The following ECE1 variants were observed in gnomAD, a reference collection of about 807,000 sequenced individuals.
The protein encoded by ECE1 is endothelin converting enzyme 1.
Under a neutral mutation model 98.6 loss-of-function variants are expected in ECE1, and 35 were observed. That is an observed-to-expected ratio of 0.35 (90% CI 0.27 to 0.47). ECE1 has a LOEUF of 0.47. Ranked by LOEUF, ECE1 falls within the 20% of genes least tolerant of loss-of-function variation. ECE1 has a pLI of 1.00. For missense variants in ECE1, 814 were observed against 1,025.3 expected (o/e 0.79, Z 2.81); for synonymous variants, 394 against 407.1 (o/e 0.97, Z 0.39).
chr1:21,258,636 A>C lies in ECE1; in HGVS notation c.762+57T>G. 6.3e-7 allele frequency: 1 copy of C among 1,596,086 alleles called. No homozygotes were observed. Among genetic ancestry groups the C allele is most frequent in the Non-Finnish European group, 8.6e-7 (1 of 1,168,648 alleles). On this transcript the variant is annotated intron_variant, in intron 6 of 18. Transcript: ENST00000374893. The surrounding 1 kb of genome is among the most constrained non-coding windows in gnomAD (Gnocchi z 4.2). ...TCCCACCCCAGGTCCTGCTAAACTC[A>C]AAACAGGAAGAGGTCGTGCCCGCCC...
chr1:21,247,291 C>G lies in ECE1; in HGVS notation c.1093G>C (p.Glu365Gln). Residue 365 changes from glutamate (E) to glutamine (Q), a missense_variant, in exon 9 of 19, where the codon GAG (glutamate) becomes CAG (glutamine). Transcript: ENST00000374893. ...TCCTTGTCATAGACCACAATAGGCTCGGATTCATTGATCTCCACGGGGTAG... is the reference window on the plus strand; with the variant it reads ...TCCTTGTCATAGACCACAATAGGCTGGGATTCATTGATCTCCACGGGGTAG... ...IFYPVEINES[E>Q]PIVVYDKEYL... 2 of 1,614,170 alleles carry G rather than the reference C, an allele frequency of 1.2e-6. No homozygotes were observed. Among genetic ancestry groups the G allele is most frequent in the Non-Finnish European group, 1.7e-6 (2 of 1,180,040 alleles).
chr1:21,244,180 C>T (rs1482162361), intron 10 of ECE1, among the ~76,000 whole-genome samples: 3 of 152,124 alleles, frequency 2.0e-5, no homozygotes. Context: ...CTTGGCACAC[C>T]AGCCTCTACT....
intron 2 of ECE1, among the ~76,000 whole-genome samples, chr1:21,283,083 A>G (rs540335511): frequency 1.2e-3 from 175 of 151,644 alleles, no homozygotes; most frequent in Non-Finnish European, 2.2e-3. Flanking sequence ...CTGGGACTAC[A>G]GGCACATGCC....
upstream of ECE1, among the ~76,000 whole-genome samples, chr1:21,292,566 TATC>T (rs1233814438): frequency 3.9e-5 from 6 of 152,188 alleles, no homozygotes; most frequent in Non-Finnish European, 8.8e-5. Flanking sequence ...TCCATGTCTT[TATC>T]ATCACTGTCT....
At chr1:21,270,124 T>A (rs1222821415) in intron 4 of ECE1, among the ~76,000 whole-genome samples, 1 of 152,186 alleles carries the variant, frequency 6.6e-6, no homozygotes, top group Non-Finnish European at 1.5e-5. Flanking sequence ...TCCTGCCCCA[T>A]CCCCTCTAAA....
intron 1 of ECE1, among the ~76,000 whole-genome samples, chr1:21,316,047 C>G (rs559878256): frequency 1.3e-5 from 2 of 152,282 alleles, no homozygotes; most frequent in South Asian, 4.1e-4. Context: ...TGAGTACCTG[C>G]CACAGTAGCT....
chr1:21,332,075 T>C (rs890086441), intron 1 of ECE1, among the ~76,000 whole-genome samples: 6 of 152,298 alleles, frequency 3.9e-5, no homozygotes, highest in African/African-American at 9.6e-5. Flanking sequence ...AGGGCAGCCT[T>C]ACTGCACCCT....
chr1:21,279,355 G>A lies in ECE1; in HGVS notation c.139-23C>T, dbSNP rs2098251624. ...CACCTGCAGGGAAGGAGGCAGGAGG[G>A]GCGGGGAAGACGTGAGCCCCGGGCC... On this transcript the variant is annotated intron_variant, in intron 2 of 18. Coordinates refer to ENST00000374893, the MANE Select transcript of ECE1 (RefSeq NM_001397.3). 8 of 1,614,052 alleles carry A rather than the reference G, an allele frequency of 5.0e-6. No homozygotes were observed. In the East Asian group the frequency reaches 1.3e-4, roughly 27 times the overall value.
intron 1 of ECE1, among the ~76,000 whole-genome samples, chr1:21,330,737 C>T (rs1639183119): frequency 6.6e-6 from 1 of 152,156 alleles, no homozygotes; most frequent in East Asian, 1.9e-4. Flanking sequence ...AATCCTTCTT[C>T]CTCCCCCTGA....
Position 21,258,712 on chromosome 1 carries a change from G to C in ECE1, c.743C>G (p.Ser248Cys). The change falls in exon 6 of 19, where the codon TCC (serine) becomes TGC (cysteine). Residue 248 changes from serine (S) to cysteine (C), a missense_variant. Around this residue, in one of 3 missense-constraint regions of ECE1, gnomAD observed 105 missense variants for 179.1 expected, o/e 0.59. Coordinates refer to ENST00000374893, the MANE Select transcript of ECE1 (RefSeq NM_001397.3). The surrounding 1 kb of genome is among the most constrained non-coding windows in gnomAD (Gnocchi z 4.2). ...SVYVSADSKN[S>C]NSNVIQVDQS... ...GCTCACCTGGATCACGTTGCTGTTG[G>C]AGTTCTTGGAATCGGCACTGACATA... 2 of 1,614,222 alleles carry C rather than the reference G, an allele frequency of 1.2e-6. No homozygotes were observed. The highest frequency in any genetic ancestry group is 1.7e-6 in the Non-Finnish European group (2 of 1,180,038).
In ECE1 at chr1:21,336,269, T is replaced by A. The variant is rs533156391; in HGVS notation, c.3+9107A>T. Reference sequence around the variant, plus strand: ...GTAGTGGTGCACCTGTGGTACCAGCTACTCAGGAGGCTGAGGTGGGAAGAT... The same window carrying A: ...GTAGTGGTGCACCTGTGGTACCAGCAACTCAGGAGGCTGAGGTGGGAAGAT... On this transcript the variant is annotated intron_variant, in intron 1 of 18. Coordinates refer to the ECE1 transcript ENST00000415912. Among the ~76,000 whole-genome samples the A allele has an allele frequency of 5.9e-5, 9 of 152,270 alleles. No homozygotes were observed. The East Asian group carries it at 1.5e-3, about 26-fold the overall frequency.
intron 1 of ECE1, among the ~76,000 whole-genome samples, chr1:21,297,345 C>T (rs1000588430): frequency 3.3e-5 from 5 of 152,066 alleles, no homozygotes; most frequent in Non-Finnish European, 4.4e-5. Flanking sequence ...ACTGACCTGC[C>T]CACCCTGTCC....
Position 21,227,936 on chromosome 1 carries a change from T to C in ECE1, c.1776A>G (p.Ser592=), listed in dbSNP as rs1484979748. 1 of 1,551,752 alleles carries C rather than the reference T, an allele frequency of 6.4e-7. No homozygotes were observed. Residue 592 remains serine (S), a synonymous_variant, in exon 15 of 19, where the codon TCA becomes TCG. Coordinates refer to ENST00000374893, the MANE Select transcript of ECE1 (RefSeq NM_001397.3). ...ILQAPFYTRS[S]PKALNFGGIG... is the part of the protein sequence containing the mutation. ...GGGCCCCAGAGGCAGCCTACTTGGGTGAGGAGCGTGTGTAGAATGGTGCCT... is the reference window on the plus strand; with the variant it reads ...GGGCCCCAGAGGCAGCCTACTTGGGCGAGGAGCGTGTGTAGAATGGTGCCT...
chr1:21,291,865 T>G (rs1272361370), upstream of ECE1, among the ~76,000 whole-genome samples: 1 of 151,154 alleles, frequency 6.6e-6, no homozygotes, highest in Non-Finnish European at 1.5e-5. Context: ...GGTTCAGTGG[T>G]TCACACCTGT....
chr1:21,324,778 G>A (rs1639040492), intron 1 of ECE1, among the ~76,000 whole-genome samples: 1 of 152,224 alleles, frequency 6.6e-6, no homozygotes, highest in African/African-American at 2.4e-5. Context: ...GCAGAGATAA[G>A]CAGCTAGTGG....
At chr1:21,334,144 A>C (rs1639261690) in intron 1 of ECE1, among the ~76,000 whole-genome samples, 1 of 152,154 alleles carries the variant, frequency 6.6e-6, no homozygotes, top group African/African-American at 2.4e-5. Flanking sequence ...TGAGGAGTCT[A>C]GAATCAGGGT....
Position 21,244,976 on chromosome 1 carries a change from G to C in ECE1, c.1278+13C>G. 2 of 1,611,320 alleles carry C rather than the reference G, an allele frequency of 1.2e-6. No individual in the cohort carries two copies. Among genetic ancestry groups the C allele is most frequent in the Non-Finnish European group, 1.7e-6 (2 of 1,177,434 alleles). On this transcript the variant is annotated intron_variant, in intron 10 of 18. Transcript: ENST00000374893. ...CTCAGCCCATATTCAGGCATACGCA[G>C]TAGCAGGCTCACCTTCTTGGTCCCG...
intron 2 of ECE1, among the ~76,000 whole-genome samples, chr1:21,283,700 G>A (rs1365819608): frequency 3.3e-5 from 5 of 152,178 alleles, no homozygotes; most frequent in Non-Finnish European, 7.3e-5. Flanking sequence ...ACTGGCAGCC[G>A]CAGACCTACC....
rs1380113467 is a variant in ECE1, at chr1:21,219,030, G to C, written c.*925C>G. ...AGCCCGAAAAGGTGGGACTGAGAGG[G>C]GACACTTGTGGCCAGCAGTGTATCT... On this transcript the variant is annotated 3_prime_UTR_variant, in exon 19 of 19. Transcript: ENST00000374893. This position sits in a 1 kb window ranked among gnomAD's most constrained non-coding sequence, Gnocchi z 4.5. The C allele has an allele frequency of 6.6e-6, 1 of 152,318 alleles. No homozygotes were observed. Among genetic ancestry groups the C allele is most frequent in the Admixed American group, 6.5e-5 (1 of 15,268 alleles). 9.4% of individuals were successfully genotyped at this position (152,318 alleles called of 1,614,324 possible). A position where few individuals can be genotyped will look rare whatever the true frequency, so the allele number is the denominator to read the frequency against.
Sources: gnomAD v4.1 joint callset for allele counts (sites outside exome capture counted in the v4.1 genomes callset) on GRCh38, gnomAD v4.1.1 for gene constraint, gnomAD v4.1.1 regional missense constraint, Gnocchi (gnomAD v3.1) non-coding constraint, MANE v1.5 for transcripts, NCBI Gene and HGNC (gene_info 2026-07-23, HGNC 2026-07-21) for gene names.